Variants in CRTC1 observed in about 807,000 individuals in gnomAD.
CRTC1 encodes CREB-regulated transcription coactivator 1.
CRTC1 carries 18 observed loss-of-function variants against 66.1 expected under a neutral mutation model. The observed-to-expected ratio is 0.27, with a 90% CI of 0.19 to 0.40. The LOEUF (loss-of-function observed/expected upper bound fraction) is 0.40, where lower values mean the gene tolerates loss of function less well. Ranked by LOEUF, CRTC1 falls within the 10% of genes least tolerant of loss-of-function variation. The pLI, the probability that CRTC1 is intolerant of heterozygous loss-of-function variation, is 1.00. For synonymous variants in CRTC1, 416 were observed against 398.8 expected (o/e 1.04, Z -0.51); for missense variants, 669 against 887.9 (o/e 0.75, Z 3.13).
At chr19:18,753,474 T>G in intron 5 of CRTC1, 26 bp from the exon 6 acceptor site, 1 of 1,553,322 alleles carries the variant, frequency 6.4e-7, no homozygotes, top group Non-Finnish European at 8.8e-7. Context: ...TCTCTGATTC[T>G]CCTTCTCCCC....
In CRTC1 at chr19:18,777,174, C is replaced by A; in HGVS notation, c.1697C>A (p.Thr566Lys). The change falls in exon 14 of 14, where the codon ACA becomes AAA. Residue 566 changes from threonine to lysine, a missense_variant. Coordinates refer to ENST00000321949, the MANE Select transcript of CRTC1 (RefSeq NM_015321.3). The surrounding 1 kb of genome is among the most constrained non-coding windows in gnomAD (Gnocchi z 5.5). ...SGIPNIILTV[T>K]GESPPSLSKE... ...TTGTCCCCACCCCATCCCCCAGTGA[C>A]AGGAGAGTCCCCCCCCAGCCTCTCT... 1.3e-6 allele frequency: 2 copies of A among 1,526,662 alleles called. No individual in the cohort carries two copies. The highest frequency in any genetic ancestry group is 1.8e-6 in the Non-Finnish European group (2 of 1,107,552). The allele number at this position is 1,526,662 out of a possible 1,614,324, so 94.6% of individuals were successfully genotyped here. A position where few individuals can be genotyped will look rare whatever the true frequency, so the allele number is the denominator to read the frequency against.
intron 1 of CRTC1, among the ~76,000 whole-genome samples, chr19:18,718,675 C>G (rs75273723): frequency 0.017 from 2,589 of 152,242 alleles, 50 homozygotes; most frequent in Admixed American, 0.041. Flanking sequence ...TCTTATTCCA[C>G]TGTATGGACA....
intron 1 of CRTC1, among the ~76,000 whole-genome samples, chr19:18,713,618 G>C (rs906830053): frequency 1.9e-5 from 2 of 103,268 alleles, no homozygotes; most frequent in East Asian, 8.7e-4. Flanking sequence ...GGTCTGTAGT[G>C]TTTCTGTATG....
chr19:18,753,891 G>T (rs563561561), intron 6 of CRTC1, among the ~76,000 whole-genome samples: 25 of 152,300 alleles, frequency 1.6e-4, no homozygotes, highest in African/African-American at 5.8e-4. Flanking sequence ...CCAGAGGTCA[G>T]GAGTTCAAGA....
rs140901497 is a variant in CRTC1, at chr19:18,765,481, C to T, written c.964C>T (p.Arg322Cys). Reference sequence around the variant, plus strand: ...CCTGTCCCTGAGCACAGAGGCAAGGCGTCAGCAGGCATCGCCCACCCTGTC... The same window carrying T: ...CCTGTCCCTGAGCACAGAGGCAAGGTGTCAGCAGGCATCGCCCACCCTGTC... ...SPLSLSTEAR[R>C]QQASPTLSPL... Residue 322 changes from arginine (R) to cysteine (C), a missense_variant, in exon 9 of 14, where the codon CGT (arginine) becomes TGT (cysteine). Transcript: ENST00000321949. The T allele has an allele frequency of 5.6e-6, 9 of 1,611,054 alleles. No individual in the cohort carries two copies. Among genetic ancestry groups the T allele is most frequent in the Non-Finnish European group, 7.6e-6 (9 of 1,179,776 alleles).
chr19:18,690,215 C>T (rs1429855440), intron 1 of CRTC1, among the ~76,000 whole-genome samples: 1 of 152,178 alleles, frequency 6.6e-6, no homozygotes, highest in South Asian at 2.1e-4. Flanking sequence ...CCAGGCAAGA[C>T]AGTCATGGTG....
intron 3 of CRTC1, among the ~76,000 whole-genome samples, chr19:18,746,288 A>G (rs972406375): frequency 2.0e-5 from 3 of 152,172 alleles, no homozygotes; most frequent in Admixed American, 2.0e-4. Flanking sequence ...GGCCGTGAGC[A>G]GGGAGCCCAC....
Position 18,724,226 on chromosome 19 carries a change from T to TGTGGGGTGGGGTGTGTGGGTGC in CRTC1, c.127-18675_127-18654dup, listed in dbSNP as rs1600848338. On this transcript the variant is annotated intron_variant, in intron 1 of 13. Coordinates refer to ENST00000321949, the MANE Select transcript of CRTC1 (RefSeq NM_015321.3). ...AGGGAGCAGTGACAGCTGATCAGTC[T>TGTGGGGTGGGGTGTGTGGGTGC]GTGGGGTGGGGTGTGTGGGTGCGTG... Among the ~76,000 whole-genome samples the TGTGGGGTGGGGTGTGTGGGTGC allele has an allele frequency of 2.6e-5, 4 of 152,162 alleles. No individual in the cohort carries two copies. In the East Asian group the frequency reaches 7.8e-4, roughly 30 times the overall value.
At chr19:18,719,822 C>G (rs2053584125) in intron 1 of CRTC1, among the ~76,000 whole-genome samples, 1 of 152,236 alleles carries the variant, frequency 6.6e-6, no homozygotes, top group Admixed American at 6.5e-5. Flanking sequence ...ATCTGACTTC[C>G]CTGAGGTTAG....
chr19:18,693,640 C>T (rs1480121344), intron 1 of CRTC1, among the ~76,000 whole-genome samples: 1 of 151,670 alleles, frequency 6.6e-6, no homozygotes, highest in Admixed American at 6.6e-5. Flanking sequence ...CACCACCATG[C>T]CCGGCTACTT....
intron 1 of CRTC1, among the ~76,000 whole-genome samples, chr19:18,690,974 C>T (rs537533157): frequency 2.0e-5 from 3 of 147,118 alleles, no homozygotes; most frequent in East Asian, 2.0e-4. Flanking sequence ...TGCAGTGAGC[C>T]GAGATCACGC....
chr19:18,701,967 A>G (rs1243286182), intron 1 of CRTC1, among the ~76,000 whole-genome samples: 4 of 124,750 alleles, frequency 3.2e-5, no homozygotes, highest in African/African-American at 1.3e-4. Context: ...CTTGTTGCCC[A>G]GGCTGGAATA....
chr19:18,726,170 G>A (rs2053747453), intron 1 of CRTC1, among the ~76,000 whole-genome samples: 1 of 152,272 alleles, frequency 6.6e-6, no homozygotes, highest in African/African-American at 2.4e-5. Flanking sequence ...CCAGAAGTGG[G>A]ATTACCAGGT....
intron 1 of CRTC1, among the ~76,000 whole-genome samples, chr19:18,701,208 G>A (rs559100160): frequency 2.6e-5 from 4 of 152,228 alleles, no homozygotes; most frequent in African/African-American, 4.8e-5. Flanking sequence ...TCGCGGGCCC[G>A]CCCCCAGAGC....
chr19:18,713,957 G>A (rs2053448874), intron 1 of CRTC1, among the ~76,000 whole-genome samples: 1 of 152,174 alleles, frequency 6.6e-6, no homozygotes. Context: ...TGCAAGTGTG[G>A]AAACCTACAC....
intron 1 of CRTC1, among the ~76,000 whole-genome samples, chr19:18,733,137 AGCCTGGATTGTAACTGAG>A (rs2053926561): frequency 6.6e-6 from 1 of 151,790 alleles, no homozygotes. Context: ...CTGGGGAAAG[AGCCTGGATTGTAACTGAG>A]GCCCCTCCTG....
chr19:18,711,605 C>G (rs1160566831), intron 1 of CRTC1, among the ~76,000 whole-genome samples: 2 of 152,212 alleles, frequency 1.3e-5, no homozygotes, highest in African/African-American at 4.8e-5. Flanking sequence ...TCCTGCCTGC[C>G]AGGTTACAGG....
At chr19:18,702,877 C>T (rs552267287) in intron 1 of CRTC1, among the ~76,000 whole-genome samples, 1 of 152,232 alleles carries the variant, frequency 6.6e-6, no homozygotes, top group South Asian at 2.1e-4. Flanking sequence ...CATAACCCCC[C>T]ACCTGTTTCC....
chr19:18,759,897 T>TTGG lies in CRTC1; in HGVS notation c.666-111_666-110insTGG, dbSNP rs1215289517. On this transcript the variant is annotated intron_variant, in intron 7 of 13. Transcript: ENST00000321949. The stretch of plus-strand genomic sequence containing the variant: ...AGTGGTTTCCCAAGCACACGGCACC[T>TTGG]GATGGGGGGTGGCCTTTTGCACCCG... The TTGG allele has an allele frequency of 2.8e-5, 24 of 868,162 alleles. No individual in the cohort carries two copies. In the African/African-American group the frequency reaches 3.8e-4, roughly 14 times the overall value. 53.8% of individuals were successfully genotyped at this position (868,162 alleles called of 1,614,324 possible).
Sources: gnomAD v4.1 joint callset for allele counts (sites outside exome capture counted in the v4.1 genomes callset) on GRCh38, gnomAD v4.1.1 for gene constraint, Gnocchi (gnomAD v3.1) non-coding constraint, MANE v1.5 for transcripts, NCBI Gene and HGNC (gene_info 2026-07-23, HGNC 2026-07-21) for gene names.